OVOL1: variants seen among roughly 807,000 people sequenced by gnomAD.
OVOL1 encodes the protein ovo like transcriptional repressor 1.
A neutral mutation model predicts 21.5 loss-of-function variants in OVOL1; 10 were observed. The observed-to-expected ratio is 0.46, with a 90% CI of 0.29 to 0.79. OVOL1 has a LOEUF of 0.79. OVOL1 is among the 30% of genes least tolerant of loss of function. The pLI is 0.10. For synonymous variants in OVOL1, 129 were observed against 150.3 expected, an observed-to-expected ratio of 0.86 and a Z score of 1.03; for missense variants, 279 against 362.3, an observed-to-expected ratio of 0.77 and a Z score of 1.87.
In OVOL1 at chr11:65,796,034, T is replaced by C. The variant is rs1858126118; in HGVS notation, c.*693T>C. On this transcript the variant is annotated 3_prime_UTR_variant, in exon 4 of 4. Transcript: ENST00000335987. ...CCAAGAAGGTTTTATTTCCTTTTAT[T>C]TTTTAAAGATGACAAATGTACAGAT... is the stretch of plus-strand genomic sequence containing the variant. 6.5e-6 allele frequency: 1 copy of C among 153,008 alleles called. No individual in the cohort carries two copies. The highest frequency in any genetic ancestry group is 2.1e-4 in the South Asian group (1 of 4,844). The allele number at this position is 153,008 out of a possible 1,614,324, so 9.5% of individuals were successfully genotyped here.
chr11:65,794,960 G>A (rs566285293), intron 3 of OVOL1, 86 bp from the exon 4 acceptor site: 3 of 1,405,266 alleles, frequency 2.1e-6, no homozygotes, highest in South Asian at 2.5e-5. Context: ...AGAGGCAGGG[G>A]TCCTGTCCTT....
In OVOL1 at chr11:65,796,399, G is replaced by C. The variant is rs1004542919; in HGVS notation, c.*1058G>C. 3 of 152,344 alleles carry C rather than the reference G, an allele frequency of 2.0e-5. No homozygotes were observed. Among genetic ancestry groups the C allele is most frequent in the African/African-American group, 7.2e-5 (3 of 41,452 alleles). The allele number at this position is 152,344 out of a possible 1,614,324, so 9.4% of individuals were successfully genotyped here. A position where few individuals can be genotyped will look rare whatever the true frequency, so the allele number is the denominator to read the frequency against. ...GAGAGTGTGTCCTCCTGGGGCTTTA[G>C]GGGGCAGGAAGGTGGGACGAATGAC... On this transcript the variant is annotated 3_prime_UTR_variant, in exon 4 of 4. Coordinates refer to ENST00000335987, the MANE Select transcript of OVOL1 (RefSeq NM_004561.4).
chr11:65,787,882 G>A (rs528292131), intron 1 of OVOL1, among the ~76,000 whole-genome samples: 1 of 152,240 alleles, frequency 6.6e-6, no homozygotes. Flanking sequence ...TGCCACTTTG[G>A]GGGGCGGGGA....
At chr11:65,788,952 GC>G (rs1857955181) in intron 1 of OVOL1, 1 of 986,412 alleles carries the variant, frequency 1.0e-6, no homozygotes, top group Non-Finnish European at 1.2e-6. Context: ...GAGGGCCAGA[GC>G]CCCCTCCCCG....
At chr11:65,793,752 G>A (rs895330301) in intron 1 of OVOL1, 10 of 515,466 alleles carry the variant, frequency 1.9e-5, no homozygotes, top group Admixed American at 1.0e-4. Flanking sequence ...AGAAAACTCC[G>A]GAGGGATAAT....
chr11:65,793,549 A>G (rs1858066154), intron 1 of OVOL1, among the ~76,000 whole-genome samples: 2 of 152,202 alleles, frequency 1.3e-5, no homozygotes, highest in South Asian at 4.1e-4. Flanking sequence ...AGGCAGGGCT[A>G]GGACCACCCA....
chr11:65,795,706 C>T lies in OVOL1; in HGVS notation c.*365C>T. 1 of 320,958 alleles carries T rather than the reference C, an allele frequency of 3.1e-6. No individual in the cohort carries two copies. Among genetic ancestry groups the T allele is most frequent in the Non-Finnish European group, 5.9e-6 (1 of 169,018 alleles). The allele number at this position is 320,958 out of a possible 1,614,324, so 19.9% of individuals were successfully genotyped here. A position where few individuals can be genotyped will look rare whatever the true frequency, so the allele number is the denominator to read the frequency against. On this transcript the variant is annotated 3_prime_UTR_variant, in exon 4 of 4. Coordinates refer to ENST00000335987, the MANE Select transcript of OVOL1 (RefSeq NM_004561.4). The surrounding 1 kb of genome is among the most constrained non-coding windows in gnomAD (Gnocchi z 5.7). ...AGAGGAGGTTCGAGCTAGGATCCCA[C>T]TGCCCCCGCCTCTCAGCACAGGGCA...
rs1172172798 is a variant in OVOL1 at position 65,796,335 on chromosome 11, G to A, written c.*994G>A. 2.0e-5 allele frequency: 3 copies of A among 152,434 alleles called. No homozygotes were observed. The highest frequency in any genetic ancestry group is 4.4e-5 in the Non-Finnish European group (3 of 68,096). 9.4% of individuals were successfully genotyped at this position (152,434 alleles called of 1,614,324 possible). On this transcript the variant is annotated 3_prime_UTR_variant, in exon 4 of 4. Transcript: ENST00000335987. ...CCGGCTCTGCCCTGCACATCCTGTT[G>A]AGCCAAGCCCCAGTGACCCGGAGAG...
intron 1 of OVOL1, among the ~76,000 whole-genome samples, chr11:65,787,912 G>A (rs1857935884): frequency 6.6e-6 from 1 of 152,194 alleles, no homozygotes; most frequent in Non-Finnish European, 1.5e-5. Context: ...AGTTTCGGCC[G>A]AGATTTGTGT....
At position 65,794,685 on chromosome 11, in the gene OVOL1, A is replaced by G; in HGVS notation, c.466A>G (p.Asn156Asp). The change falls in exon 3 of 4, where the codon AAT (asparagine) becomes GAT (aspartate). Residue 156 changes from asparagine to aspartate, a missense_variant. Physicochemically the swap from Asn to Asp is conservative, Grantham distance 23. Coordinates refer to ENST00000335987, the MANE Select transcript of OVOL1 (RefSeq NM_004561.4). ...HLCTYCGKGF[N>D]DTFDLKRHVR... Reference sequence around the variant, plus strand: ...CTGCACGTACTGCGGGAAGGGCTTCAATGACACCTTCGACCTCAAGAGACA... The same window carrying G: ...CTGCACGTACTGCGGGAAGGGCTTCGATGACACCTTCGACCTCAAGAGACA... The G allele has an allele frequency of 6.2e-7, 1 of 1,613,722 alleles. No individual in the cohort carries two copies. The highest frequency in any genetic ancestry group is 8.5e-7 in the Non-Finnish European group (1 of 1,180,016).
rs1480147385 is a variant in OVOL1 at position 65,787,185 on chromosome 11, C to A, written c.-189C>A. ...GGGACCTCGTTCTCAGGGAAGACGGCGACATTCCGCGGAGGTGGAACCGCC... is the reference window on the plus strand; with the variant it reads ...GGGACCTCGTTCTCAGGGAAGACGGAGACATTCCGCGGAGGTGGAACCGCC... On this transcript the variant is annotated 5_prime_UTR_variant, in exon 1 of 4. Coordinates refer to ENST00000335987, the MANE Select transcript of OVOL1 (RefSeq NM_004561.4). The A allele has an allele frequency of 4.2e-6, 2 of 477,638 alleles. No individual in the cohort carries two copies. Among genetic ancestry groups the A allele is most frequent in the East Asian group, 4.0e-5 (1 of 24,748 alleles). The allele number at this position is 477,638 out of a possible 1,614,324, so 29.6% of individuals were successfully genotyped here. A position where few individuals can be genotyped will look rare whatever the true frequency, so the allele number is the denominator to read the frequency against.
At chr11:65,794,779 G>C in intron 3 of OVOL1, 52 bp downstream of exon 3, 1 of 1,574,538 alleles carries the variant, frequency 6.4e-7, no homozygotes, top group Non-Finnish European at 8.7e-7. Context: ...CCTGGCCGCG[G>C]CCGTGCGGGA....
At chr11:65,791,143 G>A (rs1018840729) in intron 1 of OVOL1, among the ~76,000 whole-genome samples, 2 of 152,228 alleles carry the variant, frequency 1.3e-5, no homozygotes, top group African/African-American at 4.8e-5. Context: ...TGTCTGAGGC[G>A]ACCTGTGGCA....
Position 65,794,708 on chromosome 11 carries a change from A to G in OVOL1, c.489A>G (p.Arg163=). Reference sequence around the variant, plus strand: ...TCAATGACACCTTCGACCTCAAGAGACACGTCCGAACTCACACTGGTAAGT... The same window carrying G: ...TCAATGACACCTTCGACCTCAAGAGGCACGTCCGAACTCACACTGGTAAGT... The part of the protein sequence containing the change: ...KGFNDTFDLK[R]HVRTHTGVRP... The change falls in exon 3 of 4, where the codon AGA becomes AGG. Residue 163 remains arginine, a synonymous_variant. Transcript: ENST00000335987. 1 of 1,613,468 alleles carries G rather than the reference A, an allele frequency of 6.2e-7. No individual in the cohort carries two copies. The highest frequency in any genetic ancestry group is 8.5e-7 in the Non-Finnish European group (1 of 1,179,988).
At position 65,794,227 on chromosome 11, in the gene OVOL1, C is replaced by T. The variant is rs750715775; in HGVS notation, c.297C>T (p.Gly99=). 8.1e-6 allele frequency: 13 copies of T among 1,613,136 alleles called. 1 individual carries two copies. The South Asian group carries it at 1.4e-4, about 18-fold the overall frequency. The change falls in exon 2 of 4, where the codon GGC becomes GGT. Residue 99 remains glycine, a synonymous_variant. Transcript: ENST00000335987. ...HLTDPQSRDH[G]FLRTKMKVTL... is the part of the protein sequence containing the mutation. ...CAGACCCCCAGAGCAGAGACCATGG[C>T]TTCCTGCGCACCAAGATGAAGGTAA...
rs1384170216 is a variant in OVOL1, at chr11:65,787,210, C to T, written c.-164C>T. 5 of 502,030 alleles carry T rather than the reference C, an allele frequency of 1.0e-5. No homozygotes were observed. The highest frequency in any genetic ancestry group is 1.9e-5 in the Non-Finnish European group (5 of 268,808). 31.1% of individuals were successfully genotyped at this position (502,030 alleles called of 1,614,324 possible). On this transcript the variant is annotated 5_prime_UTR_variant, in exon 1 of 4. Transcript: ENST00000335987. ...CGACATTCCGCGGAGGTGGAACCGC[C>T]GCGCGCCGTCCGGGCTCGGACCTTC...
intron 1 of OVOL1, 53 bp from the exon 2 acceptor site, chr11:65,793,978 C>A (rs1433835388): frequency 2.7e-6 from 4 of 1,479,610 alleles, no homozygotes; most frequent in African/African-American, 2.8e-5. Context: ...TCCAGAAACC[C>A]GCTGGACCCT....
rs1857946630 is a variant in OVOL1 at position 65,788,423 on chromosome 11, G to A, written c.100+950G>A. 2.6e-5 allele frequency: 26 copies of A among 982,520 alleles called. No individual in the cohort carries two copies. The South Asian group carries it at 1.2e-3, about 44-fold the overall frequency. 60.9% of individuals were successfully genotyped at this position (982,520 alleles called of 1,614,324 possible). On this transcript the variant is annotated intron_variant, in intron 1 of 3. Coordinates refer to ENST00000335987, the MANE Select transcript of OVOL1 (RefSeq NM_004561.4). ...TTCCTTCCGAACGCCCCCTCCCCAG[G>A]CCTTGGGGGCGGGGCGTGGACGCTC... is the stretch of plus-strand genomic sequence containing the variant.
intron 1 of OVOL1, 67 bp from the exon 2 acceptor site, chr11:65,793,964 A>C: frequency 7.7e-7 from 1 of 1,301,038 alleles, no homozygotes; most frequent in South Asian, 1.2e-5. Flanking sequence ...TGGCTAGGGA[A>C]GTTTCCAGAA....
Sources: allele counts gnomAD v4.1 joint callset (sites outside exome capture counted in the v4.1 genomes callset), GRCh38; gene constraint gnomAD v4.1.1; non-coding constraint Gnocchi (gnomAD v3.1); transcripts MANE v1.5; gene names NCBI Gene and HGNC (gene_info 2026-07-23, HGNC 2026-07-21).